RTCA: variants seen among roughly 807,000 people sequenced by gnomAD.
The protein encoded by RTCA is RNA 3'-terminal phosphate cyclase, also known as RNA terminal phosphate cyclase domain 1.
RTCA carries 37 observed loss-of-function variants against 46.1 expected under a neutral mutation model. That is an observed-to-expected ratio of 0.80 (90% confidence interval 0.62 to 1.06). RTCA has a LOEUF of 1.06. Ranked by LOEUF, RTCA falls within the 50% of genes least tolerant of loss-of-function variation. The pLI is 0.00. For missense variants in RTCA, 435 were observed against 455.5 expected, an observed-to-expected ratio of 0.95 and a Z score of 0.41; for synonymous variants, 164 against 158.3, an observed-to-expected ratio of 1.04 and a Z score of -0.27.
intron 8 of RTCA, chr1:100,281,183 T>C (rs187279045): frequency 1.9e-6 from 1 of 529,832 alleles, no homozygotes; most frequent in East Asian, 5.4e-5. Flanking sequence ...AGTTTCCTTA[T>C]ATGTTGAGCA....
chr1:100,291,919 T>C lies in RTCA; in HGVS notation c.*415T>C, dbSNP rs1667371938. 1 of 150,844 alleles carries C rather than the reference T, an allele frequency of 6.6e-6. No homozygotes were observed. The highest frequency in any genetic ancestry group is 2.5e-5 in the African/African-American group (1 of 40,584). 9.3% of individuals were successfully genotyped at this position (150,844 alleles called of 1,614,324 possible). ...GCAAATGTACTTGTTGTGACAACAA[T>C]AACATTTTCCTTTTTTTTTTTTTTT... On this transcript the variant is annotated 3_prime_UTR_variant, in exon 11 of 11. Coordinates refer to ENST00000370128, the MANE Select transcript of RTCA (RefSeq NM_003729.4).
At chr1:100,269,158 G>A (rs762831808) in intron 3 of RTCA, among the ~76,000 whole-genome samples, 21 of 151,582 alleles carry the variant, frequency 1.4e-4, no homozygotes, top group Non-Finnish European at 1.2e-4. Context: ...AGATTGTGCC[G>A]CTGCACTCCA....
chr1:100,268,509 C>T (rs1050562885), intron 3 of RTCA, among the ~76,000 whole-genome samples: 3 of 152,252 alleles, frequency 2.0e-5, no homozygotes, highest in Admixed American at 1.3e-4. Context: ...GGTCCTCCCA[C>T]CTCAGCCTCC....
At chr1:100,291,369 T>C in intron 10 of RTCA, 34 bp from the exon 11 acceptor site, 3 of 1,410,630 alleles carry the variant, frequency 2.1e-6, no homozygotes, top group Non-Finnish European at 3.0e-6. Context: ...CCATCTCTCT[T>C]CGTATTACTT....
At chr1:100,267,413 A>T in intron 2 of RTCA, 1 of 1,302,592 alleles carries the variant, frequency 7.7e-7, no homozygotes, top group African/African-American at 1.5e-5. Context: ...ATTAGGCTGT[A>T]GGTGTTGTAT....
At chr1:100,281,664 C>G (rs1393033595) in intron 8 of RTCA, among the ~76,000 whole-genome samples, 2 of 151,842 alleles carry the variant, frequency 1.3e-5, no homozygotes, top group Admixed American at 1.3e-4. Context: ...TAGCAAGCAC[C>G]TTCCTTCCCT....
chr1:100,290,642 T>C (rs981739517), intron 10 of RTCA, among the ~76,000 whole-genome samples: 2 of 152,106 alleles, frequency 1.3e-5, no homozygotes, highest in African/African-American at 4.8e-5. Flanking sequence ...GGCATGTGCC[T>C]GTGGTCCCAG....
chr1:100,283,574 C>T (rs1435951472), intron 8 of RTCA, among the ~76,000 whole-genome samples: 1 of 151,998 alleles, frequency 6.6e-6, no homozygotes, highest in Non-Finnish European at 1.5e-5. Flanking sequence ...ATGTACTAGT[C>T]TGGGTAATAG....
At chr1:100,274,085 G>A (rs1259988806) in intron 5 of RTCA, among the ~76,000 whole-genome samples, 1 of 152,090 alleles carries the variant, frequency 6.6e-6, no homozygotes, top group African/African-American at 2.4e-5. Flanking sequence ...CCAAAAGTTA[G>A]AAATCCTATG....
At chr1:100,284,859 A>G (rs577847151) in intron 8 of RTCA, among the ~76,000 whole-genome samples, 1 of 152,266 alleles carries the variant, frequency 6.6e-6, no homozygotes, top group African/African-American at 2.4e-5. Context: ...TAGCTTCTCA[A>G]AGTCCTGGGA....
chr1:100,279,876 G>A (rs946828716), intron 8 of RTCA, among the ~76,000 whole-genome samples: 6 of 152,298 alleles, frequency 3.9e-5, no homozygotes, highest in Middle Eastern at 3.4e-3. Flanking sequence ...ATATCGACAG[G>A]CCAGATTCTG....
At chr1:100,288,871 G>T (rs958204460) in intron 10 of RTCA, among the ~76,000 whole-genome samples, 3 of 150,784 alleles carry the variant, frequency 2.0e-5, no homozygotes, top group Non-Finnish European at 4.4e-5. Flanking sequence ...AGCCCAGGTT[G>T]GAGTGCAGTG....
At chr1:100,279,891 G>A (rs1666596137) in intron 8 of RTCA, among the ~76,000 whole-genome samples, 1 of 152,190 alleles carries the variant, frequency 6.6e-6, no homozygotes, top group African/African-American at 2.4e-5. Context: ...ATTCTGAAAG[G>A]CTATAGGTTA....
intron 9 of RTCA, 142 bp downstream of exon 9, chr1:100,285,464 G>GAGGAATGCAAATCC: frequency 1.7e-6 from 1 of 602,364 alleles, no homozygotes; most frequent in Non-Finnish European, 2.9e-6. Flanking sequence ...TCTGGGATTT[G>GAGGAATGCAAATCC]CATTCCTCAA....
chr1:100,270,387 T>C (rs1049932987), intron 3 of RTCA, among the ~76,000 whole-genome samples, 170 bp from the exon 4 acceptor site: 1 of 152,264 alleles, frequency 6.6e-6, no homozygotes, highest in Non-Finnish European at 1.5e-5. Context: ...AGGATTTTAC[T>C]ATTCAGACAC....
At chr1:100,267,309 T>C (rs1665837781) in intron 2 of RTCA, 1 of 493,970 alleles carries the variant, frequency 2.0e-6, no homozygotes, top group Non-Finnish European at 3.3e-6. Flanking sequence ...TCTACAGTTT[T>C]GAAATTACCA....
At chr1:100,269,253 A>G (rs2100789500) in intron 3 of RTCA, among the ~76,000 whole-genome samples, 1 of 152,204 alleles carries the variant, frequency 6.6e-6, no homozygotes, top group South Asian at 2.1e-4. Flanking sequence ...ATCATGTTAC[A>G]TAACTATTTC....
intron 4 of RTCA, 134 bp from the exon 5 acceptor site, chr1:100,273,260 C>A (rs368469669): frequency 3.9e-6 from 2 of 513,330 alleles, no homozygotes; most frequent in Non-Finnish European, 6.9e-6. Flanking sequence ...ATGGAACCAG[C>A]CTACATATTC....
Position 100,274,984 on chromosome 1 carries a change from C to A in RTCA, c.615+19C>A. ...ATTTAAAGTAAGTTGTTTAGATGTT[C>A]TTAGAAATAAAATATATGTGTGTCT... On this transcript the variant is annotated intron_variant, in intron 6 of 10. Coordinates refer to ENST00000370128, the MANE Select transcript of RTCA (RefSeq NM_003729.4). 1 of 1,575,392 alleles carries A rather than the reference C, an allele frequency of 6.3e-7. No homozygotes were observed. Among genetic ancestry groups the A allele is most frequent in the South Asian group, 1.2e-5 (1 of 86,646 alleles).
Sources: allele counts gnomAD v4.1 joint callset (sites outside exome capture counted in the v4.1 genomes callset), GRCh38; gene constraint gnomAD v4.1.1; transcripts MANE v1.5; gene names NCBI Gene and HGNC (gene_info 2026-07-23, HGNC 2026-07-21).